The following DLG2 variants were observed in gnomAD, a reference collection of about 807,000 sequenced individuals.
DLG2 encodes the protein discs large MAGUK scaffold protein 2, also known as disks large homolog 2.
DLG2 carries 45 observed loss-of-function variants against 132.5 expected under a neutral mutation model. That is an observed-to-expected ratio of 0.34 (90% CI 0.27 to 0.44). The LOEUF (loss-of-function observed/expected upper bound fraction) is 0.44, where lower values mean the gene tolerates loss of function less well. Among genes scored for constraint, DLG2 ranks in the 20% least tolerant of loss-of-function variants. DLG2 has a pLI of 1.00. For missense variants in DLG2, 1,045 were observed against 1,196.9 expected (o/e 0.87, Z 1.87); for synonymous variants, 424 against 419.6 (o/e 1.01, Z -0.13).
chr11:85,487,723 G>A (rs563532111), intron 3 of DLG2, among the ~76,000 whole-genome samples: 1 of 152,316 alleles, frequency 6.6e-6, no homozygotes, highest in African/African-American at 2.4e-5. Flanking sequence ...TTCCAAGGGT[G>A]AAGAGAGATC....
chr11:85,600,124 C>T lies in DLG2; in HGVS notation c.-92-1336G>A, dbSNP rs560056163. ...CAGATTCCACAAGCTCCTAACATAA[C>T]ATCTACTGACTTACCTGTAACTGCA... On this transcript the variant is annotated intron_variant, in intron 2 of 27. Coordinates refer to ENST00000376104, the MANE Select transcript of DLG2 (RefSeq NM_001142699.3). Among the ~76,000 whole-genome samples the T allele has an allele frequency of 3.9e-5, 6 of 152,296 alleles. No individual in the cohort carries two copies. The South Asian group carries it at 1.0e-3, about 26-fold the overall frequency.
At chr11:85,489,140 GA>G (rs1470388266) in intron 3 of DLG2, among the ~76,000 whole-genome samples, 1 of 151,856 alleles carries the variant, frequency 6.6e-6, no homozygotes, top group Admixed American at 6.6e-5. Context: ...AAAAATGCAT[GA>G]AAAAAATCAT....
intron 6 of DLG2, among the ~76,000 whole-genome samples, chr11:84,589,981 T>C (rs1338677568): frequency 1.3e-5 from 2 of 152,354 alleles, no homozygotes; most frequent in Non-Finnish European, 1.5e-5. Context: ...CTATGTTTAA[T>C]ATTTGTATAG....
intron 6 of DLG2, among the ~76,000 whole-genome samples, chr11:84,990,986 G>T (rs1305393043): frequency 6.6e-6 from 1 of 152,066 alleles, no homozygotes; most frequent in Admixed American, 6.5e-5. Context: ...TTTTCAATGG[G>T]TGAATGTTAA....
At chr11:85,103,099 A>G (rs2071138764) in intron 6 of DLG2, among the ~76,000 whole-genome samples, 1 of 151,970 alleles carries the variant, frequency 6.6e-6, no homozygotes, top group Non-Finnish European at 1.5e-5. Context: ...ACTATAAAAC[A>G]TTGTAGAAAA....
At chr11:83,703,187 G>C (rs1392697492) in intron 18 of DLG2, among the ~76,000 whole-genome samples, 1 of 152,052 alleles carries the variant, frequency 6.6e-6, no homozygotes, top group Non-Finnish European at 1.5e-5. Context: ...ACCTACAATG[G>C]AATATAAAGG....
intron 7 of DLG2, among the ~76,000 whole-genome samples, chr11:84,470,918 C>T (rs1269413573): frequency 1.3e-5 from 2 of 151,764 alleles, no homozygotes; most frequent in African/African-American, 4.8e-5. Context: ...ATTTTCAGGA[C>T]AAAGATGGGC....
chr11:83,906,073 CTCTCTCTCTATATATA>C (rs1420525064), intron 15 of DLG2, among the ~76,000 whole-genome samples: 11 of 103,336 alleles, frequency 1.1e-4, no homozygotes, highest in African/African-American at 2.6e-4. Flanking sequence ...CTCTCTCTCT[CTCTCTCTCTATATATA>C]TATATATATA....
At chr11:84,051,924 A>C (rs2096393542) in intron 11 of DLG2, among the ~76,000 whole-genome samples, 2 of 151,848 alleles carry the variant, frequency 1.3e-5, no homozygotes, top group South Asian at 2.1e-4. Flanking sequence ...AAGGAAAAAA[A>C]GGACGTCCAA....
intron 3 of DLG2, among the ~76,000 whole-genome samples, chr11:85,458,222 TCTC>T (rs779304377): frequency 9.2e-5 from 14 of 152,230 alleles, no homozygotes; most frequent in Non-Finnish European, 2.1e-4. Flanking sequence ...ATTGGCCTAT[TCTC>T]CTGTTAACAC....
At chr11:83,986,560 T>A (rs1332681519) in intron 11 of DLG2, among the ~76,000 whole-genome samples, 2 of 151,706 alleles carry the variant, frequency 1.3e-5, no homozygotes, top group African/African-American at 4.8e-5. Flanking sequence ...TTTATAGTCC[T>A]TTGGGTATAT....
chr11:83,776,158 G>T (rs145589319), intron 18 of DLG2, among the ~76,000 whole-genome samples: 1 of 152,020 alleles, frequency 6.6e-6, no homozygotes, highest in Non-Finnish European at 1.5e-5. Context: ...TTCTGTGAAG[G>T]GTTTGTTAAT....
chr11:84,662,754 T>C (rs1171889958), intron 6 of DLG2, among the ~76,000 whole-genome samples: 2 of 123,858 alleles, frequency 1.6e-5, no homozygotes, highest in Non-Finnish European at 1.6e-5. Context: ...GCCACTGCAC[T>C]CCAGCCTGGT....
intron 4 of DLG2, among the ~76,000 whole-genome samples, chr11:85,233,252 A>C (rs1280783707): frequency 6.6e-6 from 1 of 151,842 alleles, no homozygotes; most frequent in Admixed American, 6.6e-5. Flanking sequence ...GAGGCATACA[A>C]AGGGCAGGAG....
At chr11:85,188,553 T>C (rs1273074074) in intron 4 of DLG2, among the ~76,000 whole-genome samples, 2 of 152,100 alleles carry the variant, frequency 1.3e-5, no homozygotes, top group Non-Finnish European at 1.5e-5. Context: ...GACCTAACAA[T>C]GACTTTAAAG....
chr11:83,941,787 C>A (rs2082724273), intron 14 of DLG2, among the ~76,000 whole-genome samples: 2 of 152,162 alleles, frequency 1.3e-5, no homozygotes, highest in South Asian at 4.1e-4. Context: ...ATATACACAT[C>A]TATACTCAAA....
At chr11:84,797,165 C>T (rs1048118947) in intron 6 of DLG2, among the ~76,000 whole-genome samples, 3 of 151,982 alleles carry the variant, frequency 2.0e-5, no homozygotes, top group African/African-American at 7.3e-5. Context: ...TTTATTTATC[C>T]TTGACTTTTG....
intron 3 of DLG2, among the ~76,000 whole-genome samples, chr11:85,412,725 T>A (rs998722452): frequency 6.5e-5 from 6 of 92,254 alleles, no homozygotes; most frequent in Admixed American, 1.2e-4. Context: ...GAGCAGTATT[T>A]CACACACACA....
intron 11 of DLG2, among the ~76,000 whole-genome samples, chr11:84,034,275 TTAGTTA>T (rs1437036120): frequency 3.3e-5 from 5 of 152,112 alleles, no homozygotes; most frequent in African/African-American, 4.8e-5. Flanking sequence ...TTAGCATTTT[TTAGTTA>T]TAAAGTATTT....
Sources: gnomAD v4.1 joint callset for allele counts (sites outside exome capture counted in the v4.1 genomes callset) on GRCh38, gnomAD v4.1.1 for gene constraint, MANE v1.5 for transcripts, NCBI Gene and HGNC (gene_info 2026-07-23, HGNC 2026-07-21) for gene names.